LRRC8D: variants seen among roughly 807,000 people sequenced by gnomAD.
LRRC8D encodes volume-regulated anion channel subunit LRRC8D.
LRRC8D carries 20 observed loss-of-function variants against 55.8 expected under a neutral mutation model. The observed-to-expected ratio is 0.36, with a 90% CI of 0.25 to 0.52. LRRC8D has a LOEUF of 0.52. Among genes scored for constraint, LRRC8D ranks in the 20% least tolerant of loss-of-function variants. The pLI, the probability that LRRC8D is intolerant of heterozygous loss-of-function variation, is 0.93. For synonymous variants in LRRC8D, 352 were observed against 377.0 expected (o/e 0.93, Z 0.77); for missense variants, 651 against 1,030.8 (o/e 0.63, Z 5.05).
At chr1:89,920,546 A>G (rs1663385808) in intron 2 of LRRC8D, among the ~76,000 whole-genome samples, 1 of 152,016 alleles carries the variant, frequency 6.6e-6, no homozygotes, top group African/African-American at 2.4e-5. Flanking sequence ...TAAAAGTTTA[A>G]TTTCTTATCA....
chr1:89,887,777 A>G (rs1662460728), intron 2 of LRRC8D, among the ~76,000 whole-genome samples: 1 of 152,150 alleles, frequency 6.6e-6, no homozygotes, highest in Non-Finnish European at 1.5e-5. Context: ...AGTATCATGA[A>G]TTTAAAATAT....
In LRRC8D at chr1:89,934,076, A is replaced by G; in HGVS notation, c.1008A>G (p.Glu336=). 2 of 1,614,220 alleles carry G rather than the reference A, an allele frequency of 1.2e-6. No individual in the cohort carries two copies. The highest frequency in any genetic ancestry group is 1.7e-6 in the Non-Finnish European group (2 of 1,180,046). ...ACTTTGTCAACGCAATCAGCTTTGA[A>G]CACGTCTGCAAGCCCAAAGTTGAGC... ...TANFVNAISF[E]HVCKPKVEHL... is the part of the protein sequence containing the mutation. Residue 336 remains glutamate (E), a synonymous_variant, in exon 3 of 3, where the codon GAA becomes GAG. Coordinates refer to ENST00000337338, the MANE Select transcript of LRRC8D (RefSeq NM_001134479.2). The surrounding 1 kb of genome is among the most constrained non-coding windows in gnomAD (Gnocchi z 5.9).
intron 2 of LRRC8D, among the ~76,000 whole-genome samples, chr1:89,914,192 G>A (rs374560955): frequency 7.4e-4 from 113 of 152,348 alleles, no homozygotes; most frequent in African/African-American, 2.5e-3. Flanking sequence ...TGTTGTGTCC[G>A]GAATTGGTGG....
At chr1:89,883,356 A>C (rs1402347450) in intron 2 of LRRC8D, among the ~76,000 whole-genome samples, 1 of 152,168 alleles carries the variant, frequency 6.6e-6, no homozygotes, top group African/African-American at 2.4e-5. Flanking sequence ...ACTAAGATCC[A>C]ATCTGATCTT....
intron 2 of LRRC8D, among the ~76,000 whole-genome samples, chr1:89,854,134 G>A (rs1661491481): frequency 6.6e-6 from 1 of 152,216 alleles, no homozygotes; most frequent in African/African-American, 2.4e-5. Context: ...GAAGAGATAT[G>A]TGTGGCTGTA....
chr1:89,821,827 G>A (rs1450596229), intron 1 of LRRC8D: 1 of 152,034 alleles, frequency 6.6e-6, no homozygotes, highest in African/African-American at 2.4e-5. Flanking sequence ...GGGAGGTGAA[G>A]GCCCGCGCCC....
At chr1:89,844,136 G>T (rs1251019561) in intron 2 of LRRC8D, among the ~76,000 whole-genome samples, 1 of 152,224 alleles carries the variant, frequency 6.6e-6, no homozygotes, top group Non-Finnish European at 1.5e-5. Flanking sequence ...TGAAGCAGCA[G>T]CTCTTTGTTC....
intron 2 of LRRC8D, among the ~76,000 whole-genome samples, chr1:89,860,386 CAA>C: frequency 6.6e-6 from 1 of 152,098 alleles, no homozygotes; most frequent in South Asian, 2.1e-4. Flanking sequence ...AGTAACTAAC[CAA>C]AGACAGGCCC....
intron 2 of LRRC8D, among the ~76,000 whole-genome samples, chr1:89,859,593 T>C (rs1366451917): frequency 6.6e-6 from 1 of 152,196 alleles, no homozygotes; most frequent in Non-Finnish European, 1.5e-5. Context: ...AACCCTGAGC[T>C]TTTACCCCAA....
intron 1 of LRRC8D, among the ~76,000 whole-genome samples, chr1:89,827,412 GT>G (rs1345152729): frequency 6.6e-6 from 1 of 151,574 alleles, no homozygotes; most frequent in Non-Finnish European, 1.5e-5. Flanking sequence ...TTTTCACTGT[GT>G]TTTTTCCCCC....
rs148223955 is a variant in LRRC8D at position 89,927,610 on chromosome 1, T to C, written c.-2-5457T>C. On this transcript the variant is annotated intron_variant, in intron 2 of 2. Coordinates refer to ENST00000337338, the MANE Select transcript of LRRC8D (RefSeq NM_001134479.2). ...TGTGCTTATGCTCAATTTTAGTAGA[T>C]AATACTAAAACATTTCCCAGAATTT... Among the ~76,000 whole-genome samples, 3 of 152,330 alleles carry C rather than the reference T, an allele frequency of 2.0e-5. No homozygotes were observed. The East Asian group carries it at 5.8e-4, about 29-fold the overall frequency.
intron 2 of LRRC8D, among the ~76,000 whole-genome samples, chr1:89,922,994 C>T (rs752917190): frequency 6.6e-6 from 1 of 152,012 alleles, no homozygotes; most frequent in Non-Finnish European, 1.5e-5. Flanking sequence ...GATTTTTTTT[C>T]ATTACTACTA....
At chr1:89,928,942 A>G (rs961285818) in intron 2 of LRRC8D, among the ~76,000 whole-genome samples, 36 of 152,210 alleles carry the variant, frequency 2.4e-4, no homozygotes, top group African/African-American at 7.5e-4. Flanking sequence ...ATTCAGGTTA[A>G]TAAAATGCTC....
At chr1:89,904,598 G>A (rs535659580) in intron 2 of LRRC8D, among the ~76,000 whole-genome samples, 2 of 152,154 alleles carry the variant, frequency 1.3e-5, no homozygotes, top group Non-Finnish European at 2.9e-5. Context: ...TGCTTTACCT[G>A]GAGCTCTATT....
chr1:89,841,274 C>T (rs1661124797), intron 1 of LRRC8D, among the ~76,000 whole-genome samples: 2 of 152,178 alleles, frequency 1.3e-5, no homozygotes, highest in South Asian at 4.1e-4. Context: ...CTTCCCCGCC[C>T]CTGCCTTTGT....
chr1:89,871,671 A>G (rs1466389605), intron 2 of LRRC8D, among the ~76,000 whole-genome samples: 1 of 152,232 alleles, frequency 6.6e-6, no homozygotes, highest in Non-Finnish European at 1.5e-5. Flanking sequence ...CTGTCATCTC[A>G]AAAGTTAATG....
intron 1 of LRRC8D, among the ~76,000 whole-genome samples, chr1:89,831,095 G>T (rs977071723): frequency 1.4e-4 from 21 of 151,852 alleles, no homozygotes; most frequent in African/African-American, 5.1e-4. Context: ...TAGGAGAGAG[G>T]GGGTTTCGCC....
At chr1:89,872,599 A>G (rs1429190154) in intron 2 of LRRC8D, among the ~76,000 whole-genome samples, 1 of 152,240 alleles carries the variant, frequency 6.6e-6, no homozygotes, top group Non-Finnish European at 1.5e-5. Context: ...AAGGATAACC[A>G]TCTTATTAGA....
intron 2 of LRRC8D, among the ~76,000 whole-genome samples, chr1:89,869,283 G>T (rs1661935745): frequency 1.3e-5 from 2 of 152,176 alleles, no homozygotes; most frequent in Non-Finnish European, 2.9e-5. Context: ...GTTTAGAGAA[G>T]AACGTAAATG....
Sources: gnomAD v4.1 joint callset for allele counts (sites outside exome capture counted in the v4.1 genomes callset) on GRCh38, gnomAD v4.1.1 for gene constraint, Gnocchi (gnomAD v3.1) non-coding constraint, MANE v1.5 for transcripts, NCBI Gene and HGNC (gene_info 2026-07-23, HGNC 2026-07-21) for gene names.